Variants in RCAN2 observed in about 807,000 individuals in gnomAD.
RCAN2 encodes the protein regulator of calcineurin 2, also known as calcipressin-2.
A neutral mutation model predicts 23.6 loss-of-function variants in RCAN2; 9 were observed. The ratio of observed to expected loss-of-function variants is 0.38; its 90% CI spans 0.23 to 0.67. The LOEUF (loss-of-function observed/expected upper bound fraction) is 0.67, where lower values mean the gene tolerates loss of function less well. Ranked by LOEUF, RCAN2 falls within the 30% of genes least tolerant of loss-of-function variation. The pLI is 0.51. For synonymous variants in RCAN2, 109 were observed against 115.7 expected (o/e 0.94, Z 0.37); for missense variants, 273 against 302.3 (o/e 0.90, Z 0.72).
At chr6:46,397,506 G>A (rs186388498) in intron 2 of RCAN2, among the ~76,000 whole-genome samples, 5 of 152,076 alleles carry the variant, frequency 3.3e-5, no homozygotes, top group African/African-American at 1.2e-4. Context: ...ATGTACTATA[G>A]CTAAGTAAGA....
intron 2 of RCAN2, among the ~76,000 whole-genome samples, chr6:46,295,958 C>CT (rs796327727): frequency 0.031 from 4,361 of 142,602 alleles, 189 homozygotes; most frequent in African/African-American, 0.1. Flanking sequence ...AATGAGCAAA[C>CT]TTTTTTTTTT....
rs1268919606 is a variant in RCAN2, at chr6:46,221,912, CAAAT to C, written c.*1225_*1228del. The stretch of plus-strand genomic sequence containing the variant: ...ATAGAAAAATCACACGTAACAAAAA[CAAAT>C]AACTTTTTTGAGCACACGGGTGTCG... On this transcript the variant is annotated 3_prime_UTR_variant, in exon 5 of 5. Coordinates refer to ENST00000371374, the MANE Select transcript of RCAN2 (RefSeq NM_001251974.2). 3.3e-5 allele frequency: 13 copies of C among 398,366 alleles called. No individual in the cohort carries two copies. Among genetic ancestry groups the C allele is most frequent in the Non-Finnish European group, 5.3e-5 (12 of 225,990 alleles). 24.7% of individuals were successfully genotyped at this position (398,366 alleles called of 1,614,324 possible).
At chr6:46,242,152 C>T (rs1324097591) in intron 4 of RCAN2, among the ~76,000 whole-genome samples, 1 of 152,186 alleles carries the variant, frequency 6.6e-6, no homozygotes, top group Non-Finnish European at 1.5e-5. Flanking sequence ...TAGGCACCCA[C>T]AGGTTTGGGT....
At chr6:46,389,714 G>C (rs1041546072) in intron 2 of RCAN2, among the ~76,000 whole-genome samples, 35 of 152,206 alleles carry the variant, frequency 2.3e-4, no homozygotes, top group Non-Finnish European at 4.1e-4. Context: ...TAGCCCGCTT[G>C]AGGCTGCTGA....
intron 1 of RCAN2, among the ~76,000 whole-genome samples, chr6:46,481,269 G>A (rs1256113599): frequency 6.6e-6 from 1 of 152,208 alleles, no homozygotes; most frequent in Admixed American, 6.5e-5. Flanking sequence ...CAGCACACCT[G>A]ATTCATAGTA....
intron 2 of RCAN2, among the ~76,000 whole-genome samples, chr6:46,298,076 T>C (rs1324891034): frequency 2.0e-5 from 3 of 152,158 alleles, no homozygotes; most frequent in Non-Finnish European, 4.4e-5. Context: ...CGTTAATTTA[T>C]GTAAATTGCA....
intron 1 of RCAN2, among the ~76,000 whole-genome samples, chr6:46,462,059 G>A (rs1768232589): frequency 6.6e-6 from 1 of 152,206 alleles, no homozygotes; most frequent in South Asian, 2.1e-4. Context: ...AGTTGGCACT[G>A]CAGAGGTGGC....
At chr6:46,390,266 T>C (rs1230585260) in intron 2 of RCAN2, among the ~76,000 whole-genome samples, 2 of 152,214 alleles carry the variant, frequency 1.3e-5, no homozygotes, top group Non-Finnish European at 2.9e-5. Flanking sequence ...ACTGATTCAG[T>C]AATATGACAT....
chr6:46,241,855 G>A (rs1043984167), intron 4 of RCAN2, among the ~76,000 whole-genome samples: 3 of 152,142 alleles, frequency 2.0e-5, no homozygotes, highest in African/African-American at 7.2e-5. Flanking sequence ...AAGGTATTTA[G>A]AACAGTGCCT....
At chr6:46,256,486 A>T (rs903757979) in intron 2 of RCAN2, among the ~76,000 whole-genome samples, 2 of 152,228 alleles carry the variant, frequency 1.3e-5, no homozygotes, top group Admixed American at 6.5e-5. Context: ...GGCCGAACTC[A>T]GGCCATATTT....
intron 2 of RCAN2, among the ~76,000 whole-genome samples, chr6:46,393,353 T>A (rs1430401338): frequency 3.3e-5 from 5 of 152,178 alleles, no homozygotes; most frequent in Admixed American, 3.3e-4. Context: ...ATAATATTAT[T>A]GATCCATGGT....
At chr6:46,486,405 A>G (rs1161309603) in intron 1 of RCAN2, among the ~76,000 whole-genome samples, 1 of 152,232 alleles carries the variant, frequency 6.6e-6, no homozygotes, top group Middle Eastern at 3.2e-3. Flanking sequence ...AAGGTCACAT[A>G]GCAGGGAAAT....
chr6:46,256,020 T>C (rs1001091200), intron 2 of RCAN2, among the ~76,000 whole-genome samples: 1 of 152,016 alleles, frequency 6.6e-6, no homozygotes, highest in Admixed American at 6.6e-5. Flanking sequence ...AGAGCACAAA[T>C]GGTACTCTGA....
At chr6:46,301,756 A>G (rs1762909550) in intron 2 of RCAN2, among the ~76,000 whole-genome samples, 1 of 152,058 alleles carries the variant, frequency 6.6e-6, no homozygotes, top group Non-Finnish European at 1.5e-5. Context: ...AAAGGAACCA[A>G]CCACATAGAA....
At chr6:46,463,613 G>C (rs993831150) in intron 1 of RCAN2, among the ~76,000 whole-genome samples, 2 of 152,152 alleles carry the variant, frequency 1.3e-5, no homozygotes, top group Non-Finnish European at 2.9e-5. Context: ...TAAGAAAAGA[G>C]ACATCTGTTT....
chr6:46,381,878 G>A (rs570177993), intron 2 of RCAN2, among the ~76,000 whole-genome samples: 1 of 152,246 alleles, frequency 6.6e-6, no homozygotes, highest in South Asian at 2.1e-4. Context: ...TGGCCTACAA[G>A]GTAAACTGCT....
At chr6:46,294,026 C>A (rs1019621226) in intron 2 of RCAN2, among the ~76,000 whole-genome samples, 1 of 152,050 alleles carries the variant, frequency 6.6e-6, no homozygotes, top group Non-Finnish European at 1.5e-5. Flanking sequence ...TAGTCAAGGG[C>A]GTGATGATTG....
chr6:46,402,354 G>A (rs567108974), intron 2 of RCAN2, among the ~76,000 whole-genome samples: 200 of 152,286 alleles, frequency 1.3e-3, no homozygotes, highest in African/African-American at 4.6e-3. Flanking sequence ...CTCTGGAGCA[G>A]CCTCAGGAGC....
At chr6:46,401,585 G>C (rs1376029068) in intron 2 of RCAN2, among the ~76,000 whole-genome samples, 1 of 152,180 alleles carries the variant, frequency 6.6e-6, no homozygotes, top group African/African-American at 2.4e-5. Flanking sequence ...TGACCATGCT[G>C]CCCCTCAATT....
Sources: allele counts gnomAD v4.1 joint callset (sites outside exome capture counted in the v4.1 genomes callset), GRCh38; gene constraint gnomAD v4.1.1; transcripts MANE v1.5; gene names NCBI Gene and HGNC (gene_info 2026-07-23, HGNC 2026-07-21).